LYPLAL1: variants seen among roughly 807,000 people sequenced by gnomAD.
LYPLAL1 encodes lysophospholipase like 1, also known as lysophospholipase-like protein 1.
In LYPLAL1, 23 loss-of-function variants were observed where a neutral mutation model predicts 19.7. The observed-to-expected ratio is 1.17, with a 90% CI of 0.84 to 1.65. The LOEUF is 1.65. LYPLAL1 is among the 40% of genes most tolerant of loss of function. The probability of loss-of-function intolerance (pLI) is 0.00; values close to 1 mark genes in which losing one functional copy is unlikely to be tolerated. For synonymous variants in LYPLAL1, 119 were observed against 96.3 expected (o/e 1.24, Z -1.38); for missense variants, 355 against 279.4 (o/e 1.27, Z -1.93).
the LYPLAL1 span, among the ~76,000 whole-genome samples, chr1:219,374,561 C>T: frequency 6.6e-6 from 1 of 151,860 alleles, no homozygotes; most frequent in Non-Finnish European, 1.5e-5. Context: ...TTCTTTGTAA[C>T]CAAAAATCAC....
chr1:219,432,436 C>T, the LYPLAL1 span, among the ~76,000 whole-genome samples: 1 of 149,736 alleles, frequency 6.7e-6, no homozygotes, highest in Non-Finnish European at 1.5e-5. Context: ...GATCCAGGTT[C>T]AGACTAGGGG....
At chr1:219,313,990 T>A in the LYPLAL1 span, among the ~76,000 whole-genome samples, 1 of 152,210 alleles carries the variant, frequency 6.6e-6, no homozygotes, top group Non-Finnish European at 1.5e-5. Flanking sequence ...CCCTCCACCC[T>A]CAAGTGGGCC....
intron 3 of LYPLAL1, among the ~76,000 whole-genome samples, chr1:219,200,886 A>C (rs1658044049): frequency 6.6e-6 from 1 of 152,264 alleles, no homozygotes; most frequent in African/African-American, 2.4e-5. Context: ...ACAAGGAAGC[A>C]GTCCACTAAC....
chr1:219,370,238 C>A, the LYPLAL1 span, among the ~76,000 whole-genome samples: 1 of 152,136 alleles, frequency 6.6e-6, no homozygotes, highest in East Asian at 1.9e-4. Flanking sequence ...ACTGATCTCC[C>A]ACCTCTCCAT....
intron 3 of LYPLAL1, among the ~76,000 whole-genome samples, chr1:219,207,529 C>A (rs1480681923): frequency 1.3e-5 from 2 of 151,908 alleles, no homozygotes; most frequent in East Asian, 3.9e-4. Flanking sequence ...AAATTTGTCT[C>A]CTTGCAGAGA....
chr1:219,430,299 A>C, the LYPLAL1 span, among the ~76,000 whole-genome samples: 1 of 151,946 alleles, frequency 6.6e-6, no homozygotes, highest in Admixed American at 6.6e-5. Flanking sequence ...AAAAAAAAAA[A>C]AAAAAAAAAA....
rs984560445 is a variant in LYPLAL1 at position 219,174,795 on chromosome 1, A to G, written c.91+814A>G. 9.5e-6 allele frequency: 6 copies of G among 634,884 alleles called. No homozygotes were observed. The African/African-American group carries it at 1.0e-4, about 11-fold the overall frequency. The allele number at this position is 634,884 out of a possible 1,614,324, so 39.3% of individuals were successfully genotyped here. Reference sequence around the variant, plus strand: ...GGTAAGCTCTCAGGAAATGTTTTTTAAAGAAATGAGATGCAGCCGGTGTCC... The same window carrying G: ...GGTAAGCTCTCAGGAAATGTTTTTTGAAGAAATGAGATGCAGCCGGTGTCC... On this transcript the variant is annotated intron_variant, in intron 1 of 4. Coordinates refer to ENST00000366928, the MANE Select transcript of LYPLAL1 (RefSeq NM_138794.5).
At chr1:219,392,203 G>T in the LYPLAL1 span, among the ~76,000 whole-genome samples, 113,824 of 151,986 alleles carry the variant, frequency 0.75, 43,132 homozygotes, top group East Asian at 0.9. Context: ...ATCCCTGATC[G>T]CTTTGTCTTT....
At chr1:219,270,590 A>G in the LYPLAL1 span, among the ~76,000 whole-genome samples, 1 of 152,198 alleles carries the variant, frequency 6.6e-6, no homozygotes, top group Non-Finnish European at 1.5e-5. Flanking sequence ...TACCGTACAT[A>G]TGGTGACAAA....
chr1:219,336,646 A>G, the LYPLAL1 span, among the ~76,000 whole-genome samples: 1 of 151,984 alleles, frequency 6.6e-6, no homozygotes, highest in African/African-American at 2.4e-5. Context: ...CATTTCTACT[A>G]TTATTATTCC....
chr1:219,284,659 C>T, the LYPLAL1 span, among the ~76,000 whole-genome samples: 1 of 152,126 alleles, frequency 6.6e-6, no homozygotes, highest in African/African-American at 2.4e-5. Context: ...TATGTATTAA[C>T]TAATTTAATT....
chr1:219,410,723 C>A, the LYPLAL1 span, among the ~76,000 whole-genome samples: 1 of 152,216 alleles, frequency 6.6e-6, no homozygotes, highest in Non-Finnish European at 1.5e-5. Context: ...TGGGCGTGGG[C>A]TTGGTGGGCC....
At chr1:219,326,722 T>C in the LYPLAL1 span, among the ~76,000 whole-genome samples, 2 of 152,146 alleles carry the variant, frequency 1.3e-5, no homozygotes, top group East Asian at 3.8e-4. Context: ...GAGGAGCCTT[T>C]TAAAAAGTGT....
chr1:219,174,500 C>G (rs1655645635), intron 1 of LYPLAL1, among the ~76,000 whole-genome samples: 1 of 152,138 alleles, frequency 6.6e-6, no homozygotes, highest in Admixed American at 6.5e-5. Context: ...AGTGCTTTCT[C>G]TCACTTTCCT....
chr1:219,317,770 G>A, the LYPLAL1 span, among the ~76,000 whole-genome samples: 113 of 152,276 alleles, frequency 7.4e-4, no homozygotes, highest in East Asian at 2.5e-3. Flanking sequence ...AGCAGTTGTC[G>A]TCTCAGAGAA....
intron 1 of LYPLAL1, chr1:219,174,232 T>A (rs1655615921): frequency 2.2e-6 from 3 of 1,382,736 alleles, no homozygotes; most frequent in Middle Eastern, 2.7e-4. Flanking sequence ...GTCCCGCCGC[T>A]CAGCCAGCCC....
chr1:219,362,445 G>A, the LYPLAL1 span, among the ~76,000 whole-genome samples: 151,212 of 152,302 alleles, frequency 0.99, 75,078 homozygotes, highest in Middle Eastern at 1. Flanking sequence ...ATTTTAAAAC[G>A]TGCAAAAGTT....
At chr1:219,406,761 G>T in the LYPLAL1 span, among the ~76,000 whole-genome samples, 7 of 148,886 alleles carry the variant, frequency 4.7e-5, no homozygotes, top group Admixed American at 1.4e-4. Flanking sequence ...CATAGCAGTT[G>T]TATAAATCTA....
the LYPLAL1 span, among the ~76,000 whole-genome samples, chr1:219,247,889 A>C: frequency 1.3e-5 from 2 of 152,050 alleles, no homozygotes; most frequent in African/African-American, 4.8e-5. Context: ...AGGTGAGTAC[A>C]GGGGAAAAGG....
Sources: allele counts gnomAD v4.1 joint callset (sites outside exome capture counted in the v4.1 genomes callset), GRCh38; gene constraint gnomAD v4.1.1; transcripts MANE v1.5; gene names NCBI Gene and HGNC (gene_info 2026-07-23, HGNC 2026-07-21).